CFAP20DC: variants seen among roughly 807,000 people sequenced by gnomAD.
The protein encoded by CFAP20DC is protein CFAP20DC.
A neutral mutation model predicts 101.7 loss-of-function variants in CFAP20DC; 84 were observed. The ratio of observed to expected loss-of-function variants is 0.83; its 90% CI spans 0.69 to 0.99. The LOEUF (loss-of-function observed/expected upper bound fraction) is 0.99, where lower values mean the gene tolerates loss of function less well. Among genes scored for constraint, CFAP20DC ranks in the 50% least tolerant of loss-of-function variants. The pLI is 0.00. For synonymous variants in CFAP20DC, 359 were observed against 351.2 expected (o/e 1.02, Z -0.25); for missense variants, 1,007 against 970.3 (o/e 1.04, Z -0.50).
At chr3:59,019,196 A>C (rs2093752617) in intron 4 of CFAP20DC, 1 of 152,138 alleles carries the variant, frequency 6.6e-6, no homozygotes, top group Non-Finnish European at 1.5e-5. Context: ...AAAAAGCTGA[A>C]AACAAATAAT....
In CFAP20DC at chr3:59,022,283, G is replaced by A. The variant is rs549191857; in HGVS notation, c.278+17274C>T. On this transcript the variant is annotated intron_variant, in intron 4 of 16. Transcript: ENST00000482387. The stretch of plus-strand genomic sequence containing the variant: ...TAAGAAGTCCAGAGCTTTAGTCCTC[G>A]TTTTGCCACTAAGAAACTGCATCCT... Among the ~76,000 whole-genome samples the A allele has an allele frequency of 5.2e-4, 79 of 152,006 alleles. 1 individual carries two copies. Among genetic ancestry groups the A allele is most frequent in the African/African-American group, 1.9e-3 (77 of 41,484 alleles).
chr3:58,951,260 G>C (rs2090069817), intron 4 of CFAP20DC, among the ~76,000 whole-genome samples: 1 of 152,200 alleles, frequency 6.6e-6, no homozygotes, highest in African/African-American at 2.4e-5. Flanking sequence ...GAAAACAACA[G>C]GTGCTGGAGA....
At position 58,796,668 on chromosome 3, in the gene CFAP20DC, A is replaced by G. The variant is rs528524655; in HGVS notation, c.2237+9727T>C. On this transcript the variant is annotated intron_variant, in intron 15 of 16. Transcript: ENST00000482387. The stretch of plus-strand genomic sequence containing the variant: ...TAGCTCTTGAGACACACACATACAC[A>G]CACACAGGCATGCCTTGTTTTATTG... 4.6e-5 allele frequency among the ~76,000 whole-genome samples: 7 copies of G among 152,244 alleles called. No homozygotes were observed. In the South Asian group the frequency reaches 1.5e-3, roughly 32 times the overall value.
chr3:58,952,006 C>T (rs757773099), intron 4 of CFAP20DC, among the ~76,000 whole-genome samples: 7 of 152,090 alleles, frequency 4.6e-5, no homozygotes, highest in South Asian at 2.1e-4. Context: ...CTGAGTGCCC[C>T]GAAAGGCTGG....
In CFAP20DC at chr3:58,809,622, C is replaced by T. The variant is rs368922941; in HGVS notation, c.2176-3166G>A. On this transcript the variant is annotated intron_variant, in intron 14 of 16. Coordinates refer to ENST00000482387, the MANE Select transcript of CFAP20DC (RefSeq NM_001394063.1). ...GCAGGAAAGATCCAAAATTGACACC[C>T]TAACATCACAATTAAAAGAACTAGA... Among the ~76,000 whole-genome samples the T allele has an allele frequency of 1.6e-4, 25 of 152,090 alleles. No individual in the cohort carries two copies. The East Asian group carries it at 3.9e-3, about 23-fold the overall frequency.
intron 15 of CFAP20DC, among the ~76,000 whole-genome samples, chr3:58,779,727 C>A (rs912553918): frequency 2.5e-4 from 38 of 151,886 alleles, no homozygotes; most frequent in Admixed American, 2.3e-3. Context: ...ATAAAGTGAC[C>A]AAATATTTGA....
chr3:58,821,513 A>T (rs2075643396), intron 14 of CFAP20DC, among the ~76,000 whole-genome samples: 1 of 151,900 alleles, frequency 6.6e-6, no homozygotes, highest in Non-Finnish European at 1.5e-5. Context: ...TCAAAAGAAG[A>T]CATTTATGCA....
chr3:58,802,647 T>C (rs943967978), intron 15 of CFAP20DC, among the ~76,000 whole-genome samples: 4 of 152,226 alleles, frequency 2.6e-5, no homozygotes, highest in South Asian at 2.1e-4. Flanking sequence ...AATTCCTAGA[T>C]TGTAAACTTC....
At chr3:58,842,300 G>A (rs2077189359) in intron 13 of CFAP20DC, among the ~76,000 whole-genome samples, 1 of 152,312 alleles carries the variant, frequency 6.6e-6, no homozygotes, top group African/African-American at 2.4e-5. Flanking sequence ...GCAGGCCAGT[G>A]GGTGCGCGCA....
chr3:58,987,275 C>A (rs1419049821), intron 4 of CFAP20DC, among the ~76,000 whole-genome samples: 1 of 151,746 alleles, frequency 6.6e-6, no homozygotes, highest in Non-Finnish European at 1.5e-5. Context: ...TTAAGGGTAA[C>A]CACTAAAAGA....
At chr3:58,761,215 C>G (rs1353536039) in intron 15 of CFAP20DC, among the ~76,000 whole-genome samples, 1 of 152,130 alleles carries the variant, frequency 6.6e-6, no homozygotes, top group Non-Finnish European at 1.5e-5. Context: ...ATTTCAGAGC[C>G]TGTCATTGGT....
chr3:59,023,701 G>A (rs963635106), intron 4 of CFAP20DC, among the ~76,000 whole-genome samples: 2 of 152,024 alleles, frequency 1.3e-5, no homozygotes, highest in African/African-American at 4.8e-5. Context: ...ACGGACTTGG[G>A]CTAAGACCAA....
intron 15 of CFAP20DC, among the ~76,000 whole-genome samples, chr3:58,801,609 G>T (rs1477133865): frequency 6.6e-6 from 1 of 151,806 alleles, no homozygotes; most frequent in Admixed American, 6.6e-5. Context: ...AGGTTGCATC[G>T]TGACAACTGG....
At chr3:58,766,677 G>A (rs1214464901) in intron 15 of CFAP20DC, among the ~76,000 whole-genome samples, 2 of 152,158 alleles carry the variant, frequency 1.3e-5, no homozygotes, top group Admixed American at 6.5e-5. Context: ...TAGTCTCTAC[G>A]TATTTTTCCA....
intron 12 of CFAP20DC, among the ~76,000 whole-genome samples, chr3:58,852,785 A>G (rs2078373410): frequency 6.6e-6 from 1 of 151,578 alleles, no homozygotes; most frequent in Non-Finnish European, 1.5e-5. Flanking sequence ...TTTGAAACCA[A>G]CGAGAACAAA....
In CFAP20DC at chr3:58,964,103, T is replaced by A. The variant is rs1045527049; in HGVS notation, c.279-26341A>T. Among the ~76,000 whole-genome samples the A allele has an allele frequency of 4.9e-4, 75 of 152,360 alleles. No homozygotes were observed. Among genetic ancestry groups the A allele is most frequent in the African/African-American group, 1.7e-3 (70 of 41,590 alleles). ...CTAGCAGTTAAACAAGCACTGGCCTTGTGATAAGCAATACTGAAGCAGCTG... is the reference window on the plus strand; with the variant it reads ...CTAGCAGTTAAACAAGCACTGGCCTAGTGATAAGCAATACTGAAGCAGCTG... On this transcript the variant is annotated intron_variant, in intron 4 of 16. Coordinates refer to ENST00000482387, the MANE Select transcript of CFAP20DC (RefSeq NM_001394063.1). This position sits in a 1 kb window ranked among gnomAD's most constrained non-coding sequence, Gnocchi z 4.1.
At chr3:58,753,419 T>G (rs1473178860) in intron 16 of CFAP20DC, among the ~76,000 whole-genome samples, 1 of 152,206 alleles carries the variant, frequency 6.6e-6, no homozygotes, top group Non-Finnish European at 1.5e-5. Context: ...ATTATTCGTG[T>G]TATTTTATAG....
At chr3:58,979,830 T>TA (rs2092448233) in intron 4 of CFAP20DC, among the ~76,000 whole-genome samples, 1 of 151,508 alleles carries the variant, frequency 6.6e-6, no homozygotes, top group Admixed American at 6.6e-5. Flanking sequence ...TTTTTTTTTT[T>TA]ATGGAGAATC....
At chr3:58,734,451 G>A (rs1403986066) in intron 3 of CFAP20DC, 5 of 435,058 alleles carry the variant, frequency 1.1e-5, no homozygotes, top group Non-Finnish European at 2.3e-5. Context: ...TCACACCAGT[G>A]AACATTTACT....
Sources: allele counts gnomAD v4.1 joint callset (sites outside exome capture counted in the v4.1 genomes callset), GRCh38; gene constraint gnomAD v4.1.1; non-coding constraint Gnocchi (gnomAD v3.1); transcripts MANE v1.5; gene names NCBI Gene and HGNC (gene_info 2026-07-23, HGNC 2026-07-21).